Variants in ARHGAP44 observed in about 807,000 individuals in gnomAD.
ARHGAP44 encodes Rho GTPase activating protein 44.
Under a neutral mutation model 106.8 loss-of-function variants are expected in ARHGAP44, and 43 were observed. The observed-to-expected ratio is 0.40, with a 90% CI of 0.32 to 0.52. ARHGAP44 has a LOEUF of 0.52. ARHGAP44 is among the 20% of genes least tolerant of loss of function. ARHGAP44 has a pLI of 0.48. For synonymous variants in ARHGAP44, 439 were observed against 410.3 expected, an observed-to-expected ratio of 1.07 and a Z score of -0.85; for missense variants, 866 against 1,050.5, an observed-to-expected ratio of 0.82 and a Z score of 2.43.
intron 16 of ARHGAP44, among the ~76,000 whole-genome samples, chr17:12,966,807 A>T (rs780382998): frequency 1.5e-4 from 23 of 152,298 alleles, no homozygotes; most frequent in Admixed American, 3.3e-4. Flanking sequence ...CTTCACAGCC[A>T]TGTATTGGCT....
chr17:12,898,794 C>T (rs1039610503), intron 3 of ARHGAP44, among the ~76,000 whole-genome samples: 9 of 152,098 alleles, frequency 5.9e-5, no homozygotes, highest in East Asian at 3.9e-4. Context: ...CCAGCGAGGA[C>T]GTACACTATC....
chr17:12,986,980 T>C (rs1258334868), intron 20 of ARHGAP44: 1 of 869,314 alleles, frequency 1.2e-6, no homozygotes, highest in African/African-American at 1.7e-5. Flanking sequence ...GAATCCATCA[T>C]GGTTTGATGT....
At chr17:12,836,370 G>T (rs1367905942) in intron 1 of ARHGAP44, among the ~76,000 whole-genome samples, 3 of 152,140 alleles carry the variant, frequency 2.0e-5, no homozygotes, top group African/African-American at 7.2e-5. Flanking sequence ...AGACATGGCT[G>T]CATGCGGTGG....
At chr17:12,803,796 C>T (rs1887542221) in intron 1 of ARHGAP44, among the ~76,000 whole-genome samples, 1 of 152,006 alleles carries the variant, frequency 6.6e-6, no homozygotes, top group Non-Finnish European at 1.5e-5. Flanking sequence ...TCCTTTTTTT[C>T]AAGTTTTGTT....
At position 12,984,569 on chromosome 17, in the gene ARHGAP44, T is replaced by C. The variant is rs755971480; in HGVS notation, c.1978T>C (p.Phe660Leu). The change falls in exon 20 of 21, where the codon TTT (phenylalanine) becomes CTT (leucine). Residue 660 changes from phenylalanine to leucine, a missense_variant. Coordinates refer to ENST00000379672, the MANE Select transcript of ARHGAP44 (RefSeq NM_014859.6). ...KLAPIPPKVPFGQPGAMADQS... is the reference protein window; with the variant it reads ...KLAPIPPKVPLGQPGAMADQS... ...GGCACCGATTCCACCCAAGGTCCCC[T>C]TTGGCCAGCCGGGGGCTATGGCAGA... is the stretch of plus-strand genomic sequence containing the variant. The C allele has an allele frequency of 1.9e-6, 3 of 1,554,970 alleles. No homozygotes were observed. Among genetic ancestry groups the C allele is most frequent in the Non-Finnish European group, 2.6e-6 (3 of 1,151,754 alleles).
intron 1 of ARHGAP44, among the ~76,000 whole-genome samples, chr17:12,874,944 G>A (rs1174825725): frequency 6.6e-6 from 1 of 151,122 alleles, no homozygotes; most frequent in Non-Finnish European, 1.5e-5. Context: ...GGACAGAATG[G>A]GGGTCAGGAG....
intron 1 of ARHGAP44, among the ~76,000 whole-genome samples, chr17:12,841,598 A>T (rs369146977): frequency 0.075 from 8,923 of 118,594 alleles, 494 homozygotes; most frequent in African/African-American, 0.23. Flanking sequence ...TCTCTCTCAC[A>T]CACACACACA....
At chr17:12,935,053 A>G (rs929290706) in intron 7 of ARHGAP44, among the ~76,000 whole-genome samples, 1 of 152,192 alleles carries the variant, frequency 6.6e-6, no homozygotes, top group African/African-American at 2.4e-5. Context: ...CTGAGTCACT[A>G]AATTTATATC....
At chr17:12,987,041 G>A in intron 20 of ARHGAP44, 1 of 715,212 alleles carries the variant, frequency 1.4e-6, no homozygotes, top group South Asian at 3.2e-5. Context: ...TTTTTTTTGT[G>A]ACGTTCATGT....
At chr17:12,911,342 A>G (rs2037733170) in intron 4 of ARHGAP44, among the ~76,000 whole-genome samples, 2 of 151,910 alleles carry the variant, frequency 1.3e-5, no homozygotes, top group Admixed American at 1.3e-4. Flanking sequence ...TTTTTCCTTA[A>G]AAGACATAAA....
chr17:12,968,306 C>T (rs529694868), intron 16 of ARHGAP44, among the ~76,000 whole-genome samples: 3 of 152,284 alleles, frequency 2.0e-5, no homozygotes, highest in South Asian at 2.1e-4. Flanking sequence ...CCAAGGGCTT[C>T]GTGACAAAGC....
Position 12,943,734 on chromosome 17 carries a change from G to T in ARHGAP44, c.733+65G>T, listed in dbSNP as rs542745550. 96 of 1,515,970 alleles carry T rather than the reference G, an allele frequency of 6.3e-5. No homozygotes were observed. The Middle Eastern group carries it at 8.8e-4, about 14-fold the overall frequency. 93.9% of individuals were successfully genotyped at this position (1,515,970 alleles called of 1,614,324 possible). A position where few individuals can be genotyped will look rare whatever the true frequency, so the allele number is the denominator to read the frequency against. On this transcript the variant is annotated intron_variant, in intron 9 of 20. Coordinates refer to ENST00000379672, the MANE Select transcript of ARHGAP44 (RefSeq NM_014859.6). The stretch of plus-strand genomic sequence containing the variant: ...GCCTGCTTGCCTTCCCGGATGAGAT[G>T]AATTCCTTGTATGTCGTTGGCCCTA...
intron 7 of ARHGAP44, among the ~76,000 whole-genome samples, chr17:12,931,350 G>T (rs149783020): frequency 0.013 from 2,051 of 152,210 alleles, 33 homozygotes; most frequent in Middle Eastern, 0.027. Flanking sequence ...AGGATTACAG[G>T]TGTGTGCTAC....
At chr17:12,921,579 A>G (rs946175324) in intron 6 of ARHGAP44, among the ~76,000 whole-genome samples, 58 of 152,188 alleles carry the variant, frequency 3.8e-4, no homozygotes, top group African/African-American at 1.4e-3. Flanking sequence ...ACTCCAGAGT[A>G]GGCCAATTTT....
At chr17:12,964,676 C>T (rs539868402) in intron 16 of ARHGAP44, among the ~76,000 whole-genome samples, 1 of 152,084 alleles carries the variant, frequency 6.6e-6, no homozygotes, top group South Asian at 2.1e-4. Context: ...CCCAGTTACT[C>T]GGGAGGCTGA....
intron 1 of ARHGAP44, among the ~76,000 whole-genome samples, chr17:12,884,044 CT>C (rs1163989701): frequency 2.0e-5 from 3 of 152,008 alleles, no homozygotes; most frequent in South Asian, 2.1e-4. Context: ...TGTCCTCTTT[CT>C]TTCATAATGT....
At chr17:12,854,006 G>A (rs2035834969) in intron 1 of ARHGAP44, among the ~76,000 whole-genome samples, 1 of 152,120 alleles carries the variant, frequency 6.6e-6, no homozygotes, top group Non-Finnish European at 1.5e-5. Context: ...CTTCTCAGCT[G>A]TAGCAGGCAT....
intron 3 of ARHGAP44, among the ~76,000 whole-genome samples, chr17:12,902,771 G>A (rs1185025437): frequency 6.6e-6 from 1 of 152,180 alleles, no homozygotes; most frequent in Non-Finnish European, 1.5e-5. Flanking sequence ...TACCTCATAA[G>A]CCTTAGCTTC....
chr17:12,903,113 A>AG (rs1408617510), intron 3 of ARHGAP44, among the ~76,000 whole-genome samples: 3 of 75,846 alleles, frequency 4.0e-5, no homozygotes, highest in African/African-American at 1.1e-4. Context: ...AGAGAGAGAG[A>AG]GAGAGAGAGA....
Sources: allele counts gnomAD v4.1 joint callset (sites outside exome capture counted in the v4.1 genomes callset), GRCh38; gene constraint gnomAD v4.1.1; transcripts MANE v1.5; gene names NCBI Gene and HGNC (gene_info 2026-07-23, HGNC 2026-07-21).